ZNF723: variants seen among roughly 807,000 people sequenced by gnomAD.
ZNF723 encodes the protein zinc finger protein 723.
ZNF723 carries 5 observed loss-of-function variants against 9.4 expected under a neutral mutation model. That is an observed-to-expected ratio of 0.53 (90% CI 0.28 to 1.12). The LOEUF is 1.12. Ranked by LOEUF, ZNF723 falls within the 50% of genes most tolerant of loss-of-function variation. The pLI is 0.10. For synonymous variants in ZNF723, 158 were observed against 168.8 expected (o/e 0.94, Z 0.49); for missense variants, 450 against 501.5 (o/e 0.90, Z 0.98).
At chr19:22,828,406 G>C (rs1967059665), upstream of ZNF723, among the ~76,000 whole-genome samples, 1 of 152,134 alleles carries the variant, frequency 6.6e-6, no homozygotes, top group South Asian at 2.1e-4. Flanking sequence ...TGTAATCCCA[G>C]AACTTTGGGA....
intron 3 of ZNF723, among the ~76,000 whole-genome samples, chr19:22,856,047 C>T (rs776984197): frequency 2.4e-4 from 36 of 152,212 alleles, no homozygotes; most frequent in Non-Finnish European, 1.5e-4. Flanking sequence ...GCAACTTCCA[C>T]CTCCCAGGTT....
chr19:22,846,505 C>T (rs1454906288), intron 1 of ZNF723, among the ~76,000 whole-genome samples: 9 of 152,108 alleles, frequency 5.9e-5, no homozygotes, highest in Admixed American at 5.9e-4. Flanking sequence ...TGCCTGTAAT[C>T]CCAGCTACTT....
chr19:22,832,525 C>T (rs1034846187), intron 1 of ZNF723, 143 bp downstream of exon 1: 17 of 970,586 alleles, frequency 1.8e-5, no homozygotes, highest in Non-Finnish European at 2.3e-5. Context: ...GCCTCAGACA[C>T]CTTCAGCGAT....
intron 3 of ZNF723, among the ~76,000 whole-genome samples, chr19:22,850,462 C>T (rs1470316144): frequency 4.0e-5 from 6 of 148,748 alleles, no homozygotes; most frequent in African/African-American, 1.5e-4. Flanking sequence ...CCACGTCGGC[C>T]TCCCAAAGTG....
Position 22,857,891 on chromosome 19 carries a change from A to C in ZNF723, c.1000A>C (p.Ile334Leu). 2.8e-6 allele frequency: 4 copies of C among 1,428,186 alleles called. No homozygotes were observed. In the Admixed American group the frequency reaches 6.7e-5, roughly 24 times the overall value. The allele number at this position is 1,428,186 out of a possible 1,614,324, so 88.5% of individuals were successfully genotyped here. Residue 334 changes from isoleucine (I) to leucine (L), a missense_variant, in exon 4 of 4, where the codon ATT (isoleucine) becomes CTT (leucine). By Grantham distance (5) the Ile-to-Leu change is conservative (BLOSUM62 2). Coordinates refer to ENST00000600766, the MANE Select transcript of ZNF723 (RefSeq NM_001349726.2). ...CTCACACCTTGCTACACATAAGAGA[A>C]TTCATACTGGAGAGAAACTCTACAA... ...QPSHLATHKR[I>L]HTGEKLYKCE...
At chr19:22,816,035 G>T in the ZNF723 span, among the ~76,000 whole-genome samples, 1 of 152,154 alleles carries the variant, frequency 6.6e-6, no homozygotes, top group African/African-American at 2.4e-5. Flanking sequence ...CTTCTATCTG[G>T]ACATATCCAA....
At position 22,857,538 on chromosome 19, in the gene ZNF723, T is replaced by A. The variant is rs990006223; in HGVS notation, c.647T>A (p.Leu216His). The A allele has an allele frequency of 4.6e-6, 6 of 1,308,964 alleles. No individual in the cohort carries two copies. The highest frequency in any genetic ancestry group is 3.4e-5 in the Admixed American group (2 of 59,440). The allele number at this position is 1,308,964 out of a possible 1,614,324, so 81.1% of individuals were successfully genotyped here. A position where few individuals can be genotyped will look rare whatever the true frequency, so the allele number is the denominator to read the frequency against. ...AAAGCCTTTAGTGTGCCCTCAAAGC[T>A]TAATAATCATAAGAGAATTCATACT... ...CGKAFSVPSK[L>H]NNHKRIHTGE... is the part of the protein sequence containing the mutation. Residue 216 changes from leucine (L) to histidine (H), a missense_variant, in exon 4 of 4, where the codon CTT becomes CAT. Leu to His is a moderately conservative substitution (Grantham distance 99). Transcript: ENST00000600766.
At chr19:22,818,628 A>G in the ZNF723 span, among the ~76,000 whole-genome samples, 1 of 152,190 alleles carries the variant, frequency 6.6e-6, no homozygotes, top group African/African-American at 2.4e-5. Flanking sequence ...AGTCATATCT[A>G]TGGACTTTCT....
intron 1 of ZNF723, among the ~76,000 whole-genome samples, chr19:22,838,998 C>T (rs1474515072): frequency 1.3e-5 from 2 of 152,162 alleles, no homozygotes. Context: ...CTGCCCTCCT[C>T]GGCCTCCCAA....
upstream of ZNF723, among the ~76,000 whole-genome samples, chr19:22,828,329 C>A (rs569508372): frequency 3.9e-5 from 6 of 152,084 alleles, no homozygotes; most frequent in African/African-American, 1.4e-4. Flanking sequence ...CTCTGACCTA[C>A]GTAAGAACTT....
chr19:22,856,575 G>A (rs575283521), intron 3 of ZNF723, among the ~76,000 whole-genome samples: 3 of 151,924 alleles, frequency 2.0e-5, no homozygotes, highest in South Asian at 2.1e-4. Context: ...TATATTCATC[G>A]CTTGCTACAC....
upstream of ZNF723, chr19:22,832,230 G>C: frequency 1.0e-5 from 9 of 872,592 alleles, no homozygotes; most frequent in South Asian, 3.2e-5. Context: ...GCTTGACTAA[G>C]AGCCGTCCAA....
intron 3 of ZNF723, among the ~76,000 whole-genome samples, chr19:22,853,158 TTC>T (rs1247347778): frequency 1.3e-5 from 2 of 152,130 alleles, no homozygotes; most frequent in Admixed American, 1.3e-4. Context: ...ATGTGCTGCA[TTC>T]TCTTTTATTA....
chr19:22,851,318 C>T (rs867286132), intron 3 of ZNF723, among the ~76,000 whole-genome samples: 1 of 151,762 alleles, frequency 6.6e-6, no homozygotes, highest in Non-Finnish European at 1.5e-5. Flanking sequence ...ATTACAGGCA[C>T]GAGCAACCAC....
At chr19:22,835,087 T>TG (rs1967150051) in intron 1 of ZNF723, among the ~76,000 whole-genome samples, 1 of 149,040 alleles carries the variant, frequency 6.7e-6, no homozygotes. Context: ...TTTTTTGAGA[T>TG]GGAGTTTCTC....
the ZNF723 span, among the ~76,000 whole-genome samples, chr19:22,824,024 A>C: frequency 6.6e-6 from 1 of 152,256 alleles, no homozygotes; most frequent in East Asian, 1.9e-4. Flanking sequence ...CCCAGCACCT[A>C]GGTAATTTGA....
At chr19:22,830,547 A>G (rs1397908112), upstream of ZNF723, among the ~76,000 whole-genome samples, 1 of 151,922 alleles carries the variant, frequency 6.6e-6, no homozygotes, top group Non-Finnish European at 1.5e-5. Context: ...TCCAGCTTCT[A>G]GTGTAAAAGT....
At chr19:22,846,259 G>A (rs1187872159) in intron 1 of ZNF723, among the ~76,000 whole-genome samples, 2 of 152,132 alleles carry the variant, frequency 1.3e-5, no homozygotes, top group Admixed American at 6.5e-5. Flanking sequence ...ATGGAGAACA[G>A]GTACTGTTGA....
At chr19:22,845,258 G>A (rs1720936176) in intron 1 of ZNF723, among the ~76,000 whole-genome samples, 1 of 152,158 alleles carries the variant, frequency 6.6e-6, no homozygotes, top group Non-Finnish European at 1.5e-5. Flanking sequence ...TATAAACCCA[G>A]GGTTCTATTA....
Sources: gnomAD v4.1 joint callset for allele counts (sites outside exome capture counted in the v4.1 genomes callset) on GRCh38, gnomAD v4.1.1 for gene constraint, MANE v1.5 for transcripts, NCBI Gene and HGNC (gene_info 2026-07-23, HGNC 2026-07-21) for gene names.